Variants in ACTR3C observed in about 807,000 individuals in gnomAD.
ACTR3C encodes the protein actin-related protein 3C.
Under a neutral mutation model 26.3 loss-of-function variants are expected in ACTR3C, and 18 were observed. The observed-to-expected ratio is 0.68, with a 90% CI of 0.47 to 1.01. The LOEUF is 1.01. ACTR3C is among the 50% of genes least tolerant of loss of function. The pLI, the probability that ACTR3C is intolerant of heterozygous loss-of-function variation, is 0.00. For synonymous variants in ACTR3C, 55 were observed against 94.5 expected, an observed-to-expected ratio of 0.58 and a Z score of 2.42; for missense variants, 184 against 250.7, an observed-to-expected ratio of 0.73 and a Z score of 1.80.
chr7:150,187,178 A>G, the ACTR3C span, among the ~76,000 whole-genome samples: 5 of 151,110 alleles, frequency 3.3e-5, no homozygotes, highest in Admixed American at 6.6e-5. Context: ...CCATAAACAC[A>G]CCTTCTTTTG....
the ACTR3C span, among the ~76,000 whole-genome samples, chr7:150,152,146 A>G: frequency 6.6e-6 from 1 of 152,096 alleles, no homozygotes; most frequent in Non-Finnish European, 1.5e-5. Context: ...TCTCCTGCCT[A>G]ACTGCCCTGG....
At chr7:150,255,722 A>T (rs1833173004) in intron 6 of ACTR3C, among the ~76,000 whole-genome samples, 1 of 152,158 alleles carries the variant, frequency 6.6e-6, no homozygotes, top group Non-Finnish European at 1.5e-5. Flanking sequence ...TTTTCACCTT[A>T]TAGTATAATT....
At chr7:149,923,701 C>T in the ACTR3C span, among the ~76,000 whole-genome samples, 2 of 152,150 alleles carry the variant, frequency 1.3e-5, no homozygotes, top group Admixed American at 6.6e-5. Flanking sequence ...GGTACACACA[C>T]ACACACAAAT....
chr7:150,177,607 T>C, the ACTR3C span, among the ~76,000 whole-genome samples: 6 of 150,898 alleles, frequency 4.0e-5, no homozygotes, highest in African/African-American at 1.5e-4. Flanking sequence ...ATTAAGGTGA[T>C]TTTCTTCTTT....
the ACTR3C span, among the ~76,000 whole-genome samples, chr7:150,175,575 A>C: frequency 2.7e-5 from 4 of 149,950 alleles, no homozygotes; most frequent in Admixed American, 6.6e-5. Context: ...GCACCTTGGG[A>C]GGCCAAGGTG....
the ACTR3C span, among the ~76,000 whole-genome samples, chr7:150,114,812 G>A: frequency 1.3e-5 from 2 of 151,928 alleles, no homozygotes; most frequent in South Asian, 2.1e-4. Context: ...CTCTCTGGAG[G>A]GTTTTAAAAC....
the ACTR3C span, among the ~76,000 whole-genome samples, chr7:150,133,055 A>T: frequency 6.7e-6 from 1 of 150,210 alleles, no homozygotes; most frequent in African/African-American, 2.5e-5. Flanking sequence ...AACCCTAGAC[A>T]TGAGCTCATT....
chr7:149,970,383 T>C, the ACTR3C span, among the ~76,000 whole-genome samples: 11 of 151,984 alleles, frequency 7.2e-5, no homozygotes, highest in Admixed American at 1.3e-4. Flanking sequence ...CCTGTGGACA[T>C]GTTTAGCTGA....
intron 6 of ACTR3C, among the ~76,000 whole-genome samples, chr7:150,250,930 G>A (rs13233018): frequency 0.18 from 27,970 of 151,920 alleles, 4,394 homozygotes; most frequent in African/African-American, 0.42. Context: ...TAAAAGGATG[G>A]GATTGGATGC....
chr7:150,231,414 A>G, the ACTR3C span, among the ~76,000 whole-genome samples: 6 of 151,964 alleles, frequency 3.9e-5, no homozygotes, highest in African/African-American at 1.4e-4. Flanking sequence ...TGGTTGTTAA[A>G]TAGAGCCTGA....
At chr7:150,204,785 G>A in the ACTR3C span, among the ~76,000 whole-genome samples, 1 of 152,072 alleles carries the variant, frequency 6.6e-6, no homozygotes, top group Non-Finnish European at 1.5e-5. Flanking sequence ...GAGGAGCGAG[G>A]AACAGGCCAG....
the ACTR3C span, among the ~76,000 whole-genome samples, chr7:150,055,553 A>G: frequency 6.6e-6 from 1 of 151,516 alleles, no homozygotes; most frequent in Admixed American, 6.6e-5. Flanking sequence ...AATGCAGTCC[A>G]TTTAGTCTTT....
chr7:150,312,068 G>A (rs932969340), intron 1 of ACTR3C, among the ~76,000 whole-genome samples: 11 of 152,120 alleles, frequency 7.2e-5, no homozygotes, highest in African/African-American at 2.4e-4. Context: ...AGAAACCAAC[G>A]GATCTTATTG....
At chr7:150,283,520 C>T (rs1273613215) in intron 6 of ACTR3C, among the ~76,000 whole-genome samples, 1 of 149,860 alleles carries the variant, frequency 6.7e-6, no homozygotes, top group Non-Finnish European at 1.5e-5. Context: ...TAAAAGTTAT[C>T]CATCATTCCA....
the ACTR3C span, among the ~76,000 whole-genome samples, chr7:150,180,667 C>G: frequency 6.7e-6 from 1 of 149,060 alleles, no homozygotes; most frequent in Non-Finnish European, 1.5e-5. Context: ...CGCGCGCCAC[C>G]ACGCCTGGCT....
chr7:149,987,142 C>T, the ACTR3C span, among the ~76,000 whole-genome samples: 4 of 148,052 alleles, frequency 2.7e-5, no homozygotes, highest in Admixed American at 1.4e-4. Context: ...ATGCAACTCA[C>T]AAAATTCTTA....
At chr7:150,323,444 C>T (rs1247278396) in intron 1 of ACTR3C, 25 bp downstream of exon 1, 1 of 348,776 alleles carries the variant, frequency 2.9e-6, no homozygotes. Flanking sequence ...CGCCAGGCGG[C>T]GGGCGGCGGG....
At chr7:150,111,029 C>A in the ACTR3C span, among the ~76,000 whole-genome samples, 1 of 151,178 alleles carries the variant, frequency 6.6e-6, no homozygotes, top group Non-Finnish European at 1.5e-5. Context: ...GGTCCACGCT[C>A]TCTCATCCAG....
At chr7:150,106,393 G>A in the ACTR3C span, among the ~76,000 whole-genome samples, 1 of 150,078 alleles carries the variant, frequency 6.7e-6, no homozygotes, top group Non-Finnish European at 1.5e-5. Flanking sequence ...GCTAGGCAGA[G>A]AAAAGTTGCT....
Sources: allele counts gnomAD v4.1 joint callset (sites outside exome capture counted in the v4.1 genomes callset), GRCh38; gene constraint gnomAD v4.1.1; transcripts MANE v1.5; gene names NCBI Gene and HGNC (gene_info 2026-07-23, HGNC 2026-07-21).